F7: variants seen among roughly 807,000 people sequenced by gnomAD.
The protein encoded by F7 is FVII coagulation protein.
F7 carries 38 observed loss-of-function variants against 47.5 expected under a neutral mutation model. The observed-to-expected ratio is 0.80, with a 90% CI of 0.62 to 1.05. The LOEUF is 1.05. Ranked by LOEUF, F7 falls within the 50% of genes least tolerant of loss-of-function variation. The probability of loss-of-function intolerance (pLI) is 0.00; values close to 1 mark genes in which losing one functional copy is unlikely to be tolerated. For synonymous variants in F7, 244 were observed against 258.5 expected (o/e 0.94, Z 0.54); for missense variants, 575 against 605.4 (o/e 0.95, Z 0.53).
At chr13:113,109,089 T>C (rs1381908182) in intron 1 of F7, among the ~76,000 whole-genome samples, 42 of 54,248 alleles carry the variant, frequency 7.7e-4, no homozygotes, top group African/African-American at 2.1e-3. Context: ...GTGTGGGTGT[T>C]CCGGAGGCGA....
chr13:113,116,644 C>T, intron 5 of F7, 122 bp from the exon 6 acceptor site: 2 of 819,438 alleles, frequency 2.4e-6, no homozygotes, highest in Non-Finnish European at 4.2e-6. Context: ...GCTCCTGCTC[C>T]TGGGGGCCTC....
At position 113,119,452 on chromosome 13, in the gene F7, C is replaced by T. The variant is rs941165985; in HGVS notation, c.*444C>T. On this transcript the variant is annotated 3_prime_UTR_variant, in exon 8 of 8. Transcript: ENST00000346342. ...TGGAGACAGTAGAGGCATGAACACA[C>T]ATGGATGCACACACACACACGCCAA... 26 of 231,562 alleles carry T rather than the reference C, an allele frequency of 1.1e-4. No homozygotes were observed. The Middle Eastern group carries it at 6.4e-3, about 57-fold the overall frequency. The allele number at this position is 231,562 out of a possible 1,614,324, so 14.3% of individuals were successfully genotyped here.
At chr13:113,106,904 C>A in intron 1 of F7, 1 of 1,604,318 alleles carries the variant, frequency 6.2e-7, no homozygotes. Flanking sequence ...GCCGGGGCCT[C>A]ACAGAGGTGA....
Position 113,120,196 on chromosome 13 carries a change from C to T in F7, c.*1188C>T, listed in dbSNP as rs1400608083. On this transcript the variant is annotated 3_prime_UTR_variant, in exon 8 of 8. Transcript: ENST00000346342. ...GTTTGAGGCTGTAGCTCCCAGGATC[C>T]TGTGGAATTGGATGTTCTCTCCCTG... The T allele has an allele frequency of 6.6e-6, 1 of 152,214 alleles. No homozygotes were observed. The highest frequency in any genetic ancestry group is 2.4e-5 in the African/African-American group (1 of 41,446). The allele number at this position is 152,214 out of a possible 1,614,324, so 9.4% of individuals were successfully genotyped here.
chr13:113,112,505 A>G (rs111173914), intron 2 of F7, among the ~76,000 whole-genome samples: 4,013 of 144,848 alleles, frequency 0.028, 129 homozygotes, highest in African/African-American at 0.097. Flanking sequence ...CACACCTCAC[A>G]CAGATCATCT....
intron 2 of F7, among the ~76,000 whole-genome samples, chr13:113,111,612 C>T (rs1176061098): frequency 2.4e-5 from 3 of 125,220 alleles, no homozygotes; most frequent in Admixed American, 7.8e-5. Flanking sequence ...GAGGACACCT[C>T]ACACAGGGCA....
intron 2 of F7, among the ~76,000 whole-genome samples, chr13:113,111,543 ACACT>A (rs201250880): frequency 1.5e-4 from 5 of 33,290 alleles, no homozygotes; most frequent in African/African-American, 3.4e-4. Context: ...AGGACACCTC[ACACT>A]CACAGGGCAC....
In F7 at chr13:113,113,905, C is replaced by G; in HGVS notation, c.309C>G (p.Leu103=). Residue 103 remains leucine (L), a synonymous_variant, in exon 4 of 8, where the codon CTC becomes CTG. Transcript: ENST00000346342. This position sits in a 1 kb window ranked among gnomAD's most constrained non-coding sequence, Gnocchi z 4.1. The stretch of plus-strand genomic sequence containing the variant: ...ATGGGGGCTCCTGCAAGGACCAGCT[C>G]CAGTCCTATATCTGCTTCTGCCTCC... The part of the protein sequence containing the change: ...CQNGGSCKDQ[L]QSYICFCLPA... The G allele has an allele frequency of 1.9e-6, 3 of 1,614,204 alleles. No individual in the cohort carries two copies. The highest frequency in any genetic ancestry group is 2.5e-6 in the Non-Finnish European group (3 of 1,180,048).
intron 4 of F7, chr13:113,114,741 C>A: frequency 6.5e-6 from 1 of 153,584 alleles, no homozygotes; most frequent in Non-Finnish European, 1.4e-5. Flanking sequence ...CCCCACCATA[C>A]ATCACATTGT....
chr13:113,112,491 A>G (rs938572362), intron 2 of F7, among the ~76,000 whole-genome samples: 1 of 145,574 alleles, frequency 6.9e-6, no homozygotes, highest in East Asian at 2.2e-4. Context: ...TCACACTCAC[A>G]GGTCACACCT....
rs1595078267 is a variant in F7, at chr13:113,116,869, A to C, written c.609A>C (p.Pro203=). ...AGGTGTGCCCCAAAGGGGAGTGTCC[A>C]TGGCAGGTAAGGCTTCCCCTGGCTT... is the stretch of plus-strand genomic sequence containing the variant. ...GGKVCPKGEC[P]WQVLLLVNGA... is the part of the protein sequence containing the mutation. Residue 203 remains proline, a synonymous_variant, in exon 6 of 8, where the codon CCA becomes CCC. Transcript: ENST00000346342. 6.2e-7 allele frequency: 1 copy of C among 1,612,956 alleles called. No individual in the cohort carries two copies. The highest frequency in any genetic ancestry group is 8.5e-7 in the Non-Finnish European group (1 of 1,179,376).
chr13:113,112,116 C>A (rs1042856956), intron 2 of F7, among the ~76,000 whole-genome samples: 2 of 142,424 alleles, frequency 1.4e-5, no homozygotes, highest in Middle Eastern at 8.8e-3. Context: ...ACAGAGGTCA[C>A]CTCACACGGG....
chr13:113,116,759 T>A lies in F7; in HGVS notation c.506-7T>A. 1 of 1,599,188 alleles carries A rather than the reference T, an allele frequency of 6.3e-7. No individual in the cohort carries two copies. The highest frequency in any genetic ancestry group is 8.6e-7 in the Non-Finnish European group (1 of 1,166,496). The stretch of plus-strand genomic sequence containing the variant: ...CTCTGCATCTTTCTGACTTTTGTTT[T>A]ACACAGTTGAATATCCATGTGGAAA... On this transcript the variant is annotated splice_region_variant and splice_polypyrimidine_tract_variant and intron_variant, in intron 5 of 7. Transcript: ENST00000346342.
At position 113,120,622 on chromosome 13, in the gene F7, A is replaced by C. The variant is rs577978392; in HGVS notation, c.*1614A>C. ...TCAGAGCAGACAGGGTCTATGAACT[A>C]CAGCCGTGGGCTGCTTCCAAGGCAC... On this transcript the variant is annotated 3_prime_UTR_variant, in exon 8 of 8. Coordinates refer to ENST00000346342, the MANE Select transcript of F7 (RefSeq NM_019616.4). 72 of 152,610 alleles carry C rather than the reference A, an allele frequency of 4.7e-4. No homozygotes were observed. The highest frequency in any genetic ancestry group is 8.6e-4 in the Non-Finnish European group (59 of 68,306). 9.5% of individuals were successfully genotyped at this position (152,610 alleles called of 1,614,324 possible).
chr13:113,114,056 G>A (rs1252408083), intron 4 of F7, 96 bp downstream of exon 4: 35 of 1,331,884 alleles, frequency 2.6e-5, no homozygotes, highest in Non-Finnish European at 3.5e-5. Flanking sequence ...CAACCTGGTG[G>A]GGTGTGTAGG....
chr13:113,106,948 A>C, intron 1 of F7: 1 of 1,570,618 alleles, frequency 6.4e-7, no homozygotes, highest in Non-Finnish European at 8.7e-7. Context: ...CCTGGGGCCC[A>C]GTGGGGGCCA....
Position 113,118,743 on chromosome 13 carries a change from A to G in F7, c.1070A>G (p.Asp357Gly). The G allele has an allele frequency of 6.2e-7, 1 of 1,612,426 alleles. No individual in the cohort carries two copies. The highest frequency in any genetic ancestry group is 8.5e-7 in the Non-Finnish European group (1 of 1,179,836). The part of the protein sequence containing the change: ...DCLQQSRKVG[D>G]SPNITEYMFC... ...CTGCAGCAGTCACGGAAGGTGGGAGACTCCCCAAATATCACGGAGTACATG... is the reference window on the plus strand; with the variant it reads ...CTGCAGCAGTCACGGAAGGTGGGAGGCTCCCCAAATATCACGGAGTACATG... Residue 357 changes from aspartate (D) to glycine (G), a missense_variant, in exon 8 of 8, where the codon GAC (aspartate) becomes GGC (glycine). Physicochemically the swap from Asp to Gly is moderately conservative, Grantham distance 94 (BLOSUM62 -1). Transcript: ENST00000346342.
At position 113,118,770 on chromosome 13, in the gene F7, T is replaced by C. The variant is rs121964938; in HGVS notation, c.1097T>C (p.Phe366Ser). ...GDSPNITEYM[F>S]CAGYSDGSKD... ...TCCCCAAATATCACGGAGTACATGT[T>C]CTGTGCCGGCTACTCGGATGGCAGC... The change falls in exon 8 of 8, where the codon TTC becomes TCC. Residue 366 changes from phenylalanine (F) to serine (S), a missense_variant. By Grantham distance (155) the Phe-to-Ser change is radical. Transcript: ENST00000346342. The C allele has an allele frequency of 5.6e-6, 9 of 1,613,078 alleles. No individual in the cohort carries two copies. The Admixed American group carries it at 1.2e-4, about 21-fold the overall frequency.
chr13:113,118,517 G>T lies in F7; in HGVS notation c.844G>T (p.Ala282Ser). 6.2e-7 allele frequency: 1 copy of T among 1,611,512 alleles called. No homozygotes were observed. Among genetic ancestry groups the T allele is most frequent in the Non-Finnish European group, 8.5e-7 (1 of 1,179,876 alleles). The change falls in exon 8 of 8, where the codon GCG becomes TCG. Residue 282 changes from alanine (A) to serine (S), a missense_variant. Coordinates refer to ENST00000346342, the MANE Select transcript of F7 (RefSeq NM_019616.4). Reference sequence around the variant, plus strand: ...CCCGGGCACCACCAACCACGACATCGCGCTGCTCCGCCTGCACCAGCCCGT... The same window carrying T: ...CCCGGGCACCACCAACCACGACATCTCGCTGCTCCGCCTGCACCAGCCCGT... Reference protein sequence around the residue: ...YVPGTTNHDIALLRLHQPVVL... With the variant: ...YVPGTTNHDISLLRLHQPVVL...
Sources: gnomAD v4.1 joint callset for allele counts (sites outside exome capture counted in the v4.1 genomes callset) on GRCh38, gnomAD v4.1.1 for gene constraint, Gnocchi (gnomAD v3.1) non-coding constraint, MANE v1.5 for transcripts, NCBI Gene and HGNC (gene_info 2026-07-23, HGNC 2026-07-21) for gene names.